The following EFNA5 variants were observed in gnomAD, a reference collection of about 807,000 sequenced individuals.
EFNA5 encodes ephrin A5, also known as ephrin-A5.
A neutral mutation model predicts 22.9 loss-of-function variants in EFNA5; 5 were observed. That is an observed-to-expected ratio of 0.22 (90% CI 0.11 to 0.46). EFNA5 has a LOEUF of 0.46. EFNA5 is among the 20% of genes least tolerant of loss of function. The probability of loss-of-function intolerance (pLI) is 0.99; values close to 1 mark genes in which losing one functional copy is unlikely to be tolerated. For missense variants in EFNA5, 237 were observed against 293.3 expected (o/e 0.81, Z 1.40); for synonymous variants, 113 against 112.2 (o/e 1.01, Z -0.04).
intron 1 of EFNA5, among the ~76,000 whole-genome samples, chr5:107,655,330 C>T (rs7732162): frequency 0.13 from 20,080 of 152,066 alleles, 1,582 homozygotes; most frequent in Non-Finnish European, 0.17. Flanking sequence ...AAAAAAGAAA[C>T]CTGCTTTTGT....
chr5:107,537,950 G>A (rs1747961871), intron 1 of EFNA5, among the ~76,000 whole-genome samples: 1 of 152,144 alleles, frequency 6.6e-6, no homozygotes, highest in Non-Finnish European at 1.5e-5. Flanking sequence ...TTAAATGATG[G>A]AGGTGAGTCA....
chr5:107,657,791 C>T (rs952464481), intron 1 of EFNA5, among the ~76,000 whole-genome samples: 2 of 152,034 alleles, frequency 1.3e-5, no homozygotes, highest in South Asian at 2.1e-4. Context: ...TTAACTGATG[C>T]TTTCAAAGAC....
chr5:107,416,625 G>A (rs183943513), intron 2 of EFNA5, among the ~76,000 whole-genome samples: 74 of 152,262 alleles, frequency 4.9e-4, no homozygotes, highest in Admixed American at 1.6e-3. Context: ...GTTACCGGAG[G>A]AGTTATTAGT....
chr5:107,470,128 A>T (rs558269415), intron 1 of EFNA5, among the ~76,000 whole-genome samples: 1 of 152,280 alleles, frequency 6.6e-6, no homozygotes, highest in East Asian at 1.9e-4. Context: ...ACTCACATAC[A>T]CACCTACAGC....
chr5:107,521,593 G>A (rs1256460769), intron 1 of EFNA5, among the ~76,000 whole-genome samples: 1 of 151,182 alleles, frequency 6.6e-6, no homozygotes, highest in Non-Finnish European at 1.5e-5. Flanking sequence ...TTCCAGGCAT[G>A]AGCCACCAAG....
chr5:107,531,391 G>T (rs1231104559), intron 1 of EFNA5, among the ~76,000 whole-genome samples: 1 of 152,222 alleles, frequency 6.6e-6, no homozygotes, highest in Non-Finnish European at 1.5e-5. Flanking sequence ...AATGAAAGGG[G>T]CAGGCAGGAC....
intron 1 of EFNA5, among the ~76,000 whole-genome samples, chr5:107,662,037 G>A (rs1002855934): frequency 3.3e-5 from 5 of 151,918 alleles, no homozygotes; most frequent in African/African-American, 1.2e-4. Context: ...TGGAAACTCT[G>A]ACAGCTTGGA....
intron 1 of EFNA5, among the ~76,000 whole-genome samples, chr5:107,489,058 A>AAAT (rs1383353338): frequency 2.6e-5 from 4 of 152,206 alleles, no homozygotes; most frequent in African/African-American, 9.7e-5. Flanking sequence ...ATACCTCCCA[A>AAAT]AATAAAATAT....
chr5:107,446,029 TC>T (rs1749384176), intron 1 of EFNA5, among the ~76,000 whole-genome samples: 1 of 152,216 alleles, frequency 6.6e-6, no homozygotes, highest in Admixed American at 6.5e-5. Context: ...TGTCTGCCTA[TC>T]TTCGAATCTG....
At chr5:107,592,091 A>C (rs1354429267) in intron 1 of EFNA5, among the ~76,000 whole-genome samples, 1 of 90,880 alleles carries the variant, frequency 1.1e-5, no homozygotes, top group East Asian at 2.2e-4. Context: ...ATTAATTTTT[A>C]ATAAAAATAT....
At chr5:107,534,456 T>C (rs987324273) in intron 1 of EFNA5, among the ~76,000 whole-genome samples, 2 of 152,222 alleles carry the variant, frequency 1.3e-5, no homozygotes, top group East Asian at 3.8e-4. Context: ...ATCTAGGTCA[T>C]CTTTAAATAC....
At chr5:107,433,277 A>C (rs1411742190) in intron 1 of EFNA5, among the ~76,000 whole-genome samples, 1 of 152,248 alleles carries the variant, frequency 6.6e-6, no homozygotes, top group African/African-American at 2.4e-5. Context: ...ACTGGTTCAG[A>C]ATCAATGTCA....
At chr5:107,439,504 A>G (rs74749489) in intron 1 of EFNA5, among the ~76,000 whole-genome samples, 2,880 of 152,246 alleles carry the variant, frequency 0.019, 79 homozygotes, top group African/African-American at 0.067. Flanking sequence ...AAACATCAAT[A>G]AAGAACAGCT....
chr5:107,411,066 CT>C (rs1748354631), intron 2 of EFNA5, among the ~76,000 whole-genome samples: 1 of 152,084 alleles, frequency 6.6e-6, no homozygotes, highest in African/African-American at 2.4e-5. Flanking sequence ...TTGACCACAG[CT>C]AAACCTGCAA....
At chr5:107,527,628 G>C (rs1747724083) in intron 1 of EFNA5, among the ~76,000 whole-genome samples, 1 of 152,062 alleles carries the variant, frequency 6.6e-6, no homozygotes, top group Non-Finnish European at 1.5e-5. Flanking sequence ...TGTGTGTTAG[G>C]GGAATGGGAT....
At chr5:107,422,583 C>T (rs1327919075) in intron 2 of EFNA5, among the ~76,000 whole-genome samples, 1 of 152,184 alleles carries the variant, frequency 6.6e-6, no homozygotes, top group Non-Finnish European at 1.5e-5. Context: ...ACAATAAAGT[C>T]CCCAGGTCCC....
chr5:107,426,363 T>G (rs1748810073), intron 2 of EFNA5, among the ~76,000 whole-genome samples: 1 of 152,156 alleles, frequency 6.6e-6, no homozygotes, highest in African/African-American at 2.4e-5. Flanking sequence ...TGGTCCACAG[T>G]TCAGTAGCAG....
chr5:107,424,564 G>A (rs1748760636), intron 2 of EFNA5, among the ~76,000 whole-genome samples: 1 of 151,892 alleles, frequency 6.6e-6, no homozygotes, highest in Admixed American at 6.6e-5. Flanking sequence ...AGGCTATGAG[G>A]AGCTAAGAGG....
chr5:107,465,938 C>A lies in EFNA5; in HGVS notation c.126-38429G>T, dbSNP rs140224131. Among the ~76,000 whole-genome samples, 3 of 152,216 alleles carry A rather than the reference C, an allele frequency of 2.0e-5. No individual in the cohort carries two copies. The East Asian group carries it at 5.8e-4, about 30-fold the overall frequency. On this transcript the variant is annotated intron_variant, in intron 1 of 4. Coordinates refer to ENST00000333274, the MANE Select transcript of EFNA5 (RefSeq NM_001962.3). Reference sequence around the variant, plus strand: ...GTGTGCTCTGCAACCACCTGCCTTGCCCACTACACCCAGCCACACTGTGAA... The same window carrying A: ...GTGTGCTCTGCAACCACCTGCCTTGACCACTACACCCAGCCACACTGTGAA...
Sources: gnomAD v4.1 joint callset for allele counts (sites outside exome capture counted in the v4.1 genomes callset) on GRCh38, gnomAD v4.1.1 for gene constraint, MANE v1.5 for transcripts, NCBI Gene and HGNC (gene_info 2026-07-23, HGNC 2026-07-21) for gene names.